IL1RAPL2: variants seen among roughly 807,000 people sequenced by gnomAD.
IL1RAPL2 encodes the protein X-linked interleukin-1 receptor accessory protein-like 2.
In IL1RAPL2, 3 loss-of-function variants were observed where a neutral mutation model predicts 44.1. The ratio of observed to expected loss-of-function variants is 0.07; its 90% CI spans 0.03 to 0.18. The LOEUF is 0.18. IL1RAPL2 is among the 10% of genes least tolerant of loss of function. The probability of loss-of-function intolerance (pLI) is 1.00; values close to 1 mark genes in which losing one functional copy is unlikely to be tolerated. For missense variants in IL1RAPL2, 391 were observed against 496.4 expected, an observed-to-expected ratio of 0.79 and a Z score of 2.02; for synonymous variants, 181 against 178.8, an observed-to-expected ratio of 1.01 and a Z score of -0.10.
At chrX:104,618,818 C>T (rs1210758031) in intron 1 of IL1RAPL2, among the ~76,000 whole-genome samples, 1 of 111,277 alleles carries the variant, frequency 9.0e-6, no homozygotes, top group Non-Finnish European at 1.9e-5. Context: ...CCTTGCTATA[C>T]CAGGATCTAT....
chrX:105,379,129 G>A (rs1010874956), intron 5 of IL1RAPL2, among the ~76,000 whole-genome samples: 1 of 111,607 alleles, frequency 9.0e-6, no homozygotes, highest in African/African-American at 3.3e-5. Flanking sequence ...TCTATGGGGG[G>A]TCGAAACTAT....
At chrX:105,360,700 C>T (rs1347357726) in intron 5 of IL1RAPL2, among the ~76,000 whole-genome samples, 1 of 110,717 alleles carries the variant, frequency 9.0e-6, no homozygotes, top group Non-Finnish European at 1.9e-5. Flanking sequence ...AAGTGAATAA[C>T]AAGTGTGAAA....
chrX:105,554,526 AC>A (rs1337878147), intron 6 of IL1RAPL2, among the ~76,000 whole-genome samples: 1 of 110,974 alleles, frequency 9.0e-6, no homozygotes, highest in African/African-American at 3.3e-5. Flanking sequence ...CAGTGTTCCC[AC>A]CCTCCACATT....
chrX:104,744,888 A>C (rs1932149471), intron 2 of IL1RAPL2, among the ~76,000 whole-genome samples: 2 of 110,926 alleles, frequency 1.8e-5, no homozygotes, highest in South Asian at 7.5e-4. Context: ...ATATATGTGG[A>C]GTGGTGTTAC....
chrX:104,734,474 G>A (rs992925033), intron 2 of IL1RAPL2, among the ~76,000 whole-genome samples: 4 of 112,545 alleles, frequency 3.6e-5, no homozygotes, highest in African/African-American at 9.7e-5. Flanking sequence ...AATAAAAAAT[G>A]AACTTTTGAT....
rs189892597 is a variant in IL1RAPL2 at position 104,890,773 on chromosome X, C to A, written c.82+231778C>A. ...TGCCTGTTCACTCTGATGGTAGTTT[C>A]TTTTGCCGTGCAGAAGCTCTTTAGT... On this transcript the variant is annotated intron_variant, in intron 2 of 10. Transcript: ENST00000372582. 2.2e-4 allele frequency among the ~76,000 whole-genome samples: 25 copies of A among 111,646 alleles called. 1 individual carries two copies. The highest frequency in any genetic ancestry group is 1.8e-3 in the Admixed American group (19 of 10,538).
At chrX:105,649,315 T>C (rs1416107008) in intron 6 of IL1RAPL2, among the ~76,000 whole-genome samples, 5 of 110,311 alleles carry the variant, frequency 4.5e-5, no homozygotes, top group Admixed American at 3.9e-4. Context: ...AAGAGGCAAA[T>C]AGAGAAAGAC....
At chrX:104,787,113 T>A (rs1932803468) in intron 2 of IL1RAPL2, among the ~76,000 whole-genome samples, 1 of 111,165 alleles carries the variant, frequency 9.0e-6, no homozygotes, top group African/African-American at 3.3e-5. Context: ...GGCAACGTTT[T>A]CAGCACTGGG....
intron 5 of IL1RAPL2, among the ~76,000 whole-genome samples, chrX:105,374,272 G>A (rs1034257307): frequency 9.0e-6 from 1 of 111,019 alleles, no homozygotes; most frequent in African/African-American, 3.3e-5. Flanking sequence ...GTAGTGTGAT[G>A]TCTCCAGCTT....
chrX:104,711,402 T>C (rs1396924880), intron 2 of IL1RAPL2, among the ~76,000 whole-genome samples: 1 of 111,104 alleles, frequency 9.0e-6, no homozygotes, highest in East Asian at 2.9e-4. Flanking sequence ...TTCAGTATCA[T>C]TTAATAAGGG....
chrX:105,018,919 A>T (rs2031235650), intron 2 of IL1RAPL2, among the ~76,000 whole-genome samples: 1 of 111,232 alleles, frequency 9.0e-6, no homozygotes, highest in Admixed American at 9.6e-5. Context: ...GTAACTATTG[A>T]GTTTAAATAG....
intron 5 of IL1RAPL2, among the ~76,000 whole-genome samples, chrX:105,401,792 A>G (rs2035608237): frequency 9.0e-6 from 1 of 111,317 alleles, no homozygotes; most frequent in Non-Finnish European, 1.9e-5. Context: ...AACTGTTAAT[A>G]TAAAGTAATT....
intron 1 of IL1RAPL2, among the ~76,000 whole-genome samples, chrX:104,586,879 A>G (rs1162425486): frequency 9.0e-6 from 1 of 111,726 alleles, no homozygotes; most frequent in African/African-American, 3.3e-5. Context: ...GTGTTTGACT[A>G]AGAACCTTGT....
intron 2 of IL1RAPL2, among the ~76,000 whole-genome samples, chrX:104,781,437 C>A (rs1006275164): frequency 2.7e-5 from 3 of 111,599 alleles, no homozygotes; most frequent in African/African-American, 9.8e-5. Context: ...AACTTGGAGA[C>A]CCCAAAATAT....
At chrX:104,758,794 G>T (rs1264088771) in intron 2 of IL1RAPL2, among the ~76,000 whole-genome samples, 3 of 111,649 alleles carry the variant, frequency 2.7e-5, no homozygotes, top group Non-Finnish European at 3.8e-5. Flanking sequence ...ATGATCTGAT[G>T]ATCTACTTTA....
At chrX:104,943,993 G>A (rs995455294) in intron 2 of IL1RAPL2, among the ~76,000 whole-genome samples, 1 of 111,522 alleles carries the variant, frequency 9.0e-6, no homozygotes, top group Non-Finnish European at 1.9e-5. Context: ...CCCTAAAAGT[G>A]GCTCCTCATG....
At chrX:104,816,932 T>G (rs985899878) in intron 2 of IL1RAPL2, among the ~76,000 whole-genome samples, 2 of 112,855 alleles carry the variant, frequency 1.8e-5, no homozygotes, top group African/African-American at 6.4e-5. Flanking sequence ...AGAAATCAAC[T>G]TGCAAAAGGC....
intron 6 of IL1RAPL2, among the ~76,000 whole-genome samples, chrX:105,655,755 A>G (rs1206992058): frequency 5.3e-5 from 6 of 112,195 alleles, no homozygotes; most frequent in Non-Finnish European, 1.1e-4. Flanking sequence ...TCAACATGGT[A>G]TATCTGACAG....
chrX:105,581,939 G>GT (rs1354206469), intron 6 of IL1RAPL2, among the ~76,000 whole-genome samples: 1 of 111,381 alleles, frequency 9.0e-6, no homozygotes, highest in East Asian at 2.8e-4. Context: ...TGATACTGGT[G>GT]TTTTTTCTTG....
Sources: allele counts gnomAD v4.1 joint callset (sites outside exome capture counted in the v4.1 genomes callset), GRCh38; gene constraint gnomAD v4.1.1; transcripts MANE v1.5; gene names NCBI Gene and HGNC (gene_info 2026-07-23, HGNC 2026-07-21).